TTL: variants seen among roughly 807,000 people sequenced by gnomAD.
TTL encodes the protein tubulin tyrosine ligase, also known as tubulin--tyrosine ligase.
TTL carries 10 observed loss-of-function variants against 41.1 expected under a neutral mutation model. That is an observed-to-expected ratio of 0.24 (90% CI 0.15 to 0.41). TTL has a LOEUF of 0.41. TTL is among the 10% of genes least tolerant of loss of function. The pLI, the probability that TTL is intolerant of heterozygous loss-of-function variation, is 1.00. For missense variants in TTL, 367 were observed against 460.4 expected (o/e 0.80, Z 1.86); for synonymous variants, 175 against 175.5 (o/e 1.00, Z 0.02).
In TTL at chr2:112,532,509, G is replaced by A. The variant is rs774786156; in HGVS notation, c.*3714G>A. 2.0e-4 allele frequency: 42 copies of A among 214,498 alleles called. No homozygotes were observed. Among genetic ancestry groups the A allele is most frequent in the Non-Finnish European group, 3.5e-4 (37 of 106,250 alleles). 13.3% of individuals were successfully genotyped at this position (214,498 alleles called of 1,614,324 possible). A position where few individuals can be genotyped will look rare whatever the true frequency, so the allele number is the denominator to read the frequency against. ...AATTAGCCGGGCATGGTGGCATGTG[G>A]TGGTGGCTGAGGTGGGAGGATCGCT... On this transcript the variant is annotated 3_prime_UTR_variant, in exon 7 of 7. Coordinates refer to ENST00000233336, the MANE Select transcript of TTL (RefSeq NM_153712.5).
Position 112,532,276 on chromosome 2 carries a change from A to G in TTL, c.*3481A>G, listed in dbSNP as rs904910440. ...TGTAGCATGCGGGTGCTGTAGAGAA[A>G]ATTCAGTGACGTACATGGCTCTGGT... On this transcript the variant is annotated 3_prime_UTR_variant, in exon 7 of 7. Transcript: ENST00000233336. 4 of 228,680 alleles carry G rather than the reference A, an allele frequency of 1.7e-5. No individual in the cohort carries two copies. The highest frequency in any genetic ancestry group is 8.9e-5 in the African/African-American group (4 of 45,068). 14.2% of individuals were successfully genotyped at this position (228,680 alleles called of 1,614,324 possible).
At chr2:112,484,234 G>GT (rs35137372) in intron 1 of TTL, among the ~76,000 whole-genome samples, 629 of 134,904 alleles carry the variant, frequency 4.7e-3, no homozygotes, top group Admixed American at 0.011. Flanking sequence ...GTTTGTATGT[G>GT]TTTTTTTTTT....
chr2:112,490,865 G>T (rs952045249), intron 2 of TTL, among the ~76,000 whole-genome samples: 2 of 151,802 alleles, frequency 1.3e-5, no homozygotes, highest in Admixed American at 1.3e-4. Context: ...GAGCCACTGT[G>T]CCCAGCCATA....
At position 112,529,064 on chromosome 2, in the gene TTL, C is replaced by A. The variant is rs1480010353; in HGVS notation, c.*269C>A. 4.0e-6 allele frequency: 2 copies of A among 503,432 alleles called. No homozygotes were observed. Among genetic ancestry groups the A allele is most frequent in the East Asian group, 6.6e-5 (2 of 30,086 alleles). 31.2% of individuals were successfully genotyped at this position (503,432 alleles called of 1,614,324 possible). On this transcript the variant is annotated 3_prime_UTR_variant, in exon 7 of 7. Coordinates refer to ENST00000233336, the MANE Select transcript of TTL (RefSeq NM_153712.5). ...GGCAGCTTTGTGAGCAGAGCTCCTT[C>A]CCCTCTCCCCGGGAACGGCAGGGCA...
chr2:112,510,352 C>T (rs532078388), intron 5 of TTL, among the ~76,000 whole-genome samples: 2 of 152,164 alleles, frequency 1.3e-5, no homozygotes, highest in East Asian at 3.9e-4. Flanking sequence ...TGGTTTCAAG[C>T]TCCTGGGCTC....
rs540089268 is a variant in TTL at position 112,485,050 on chromosome 2, A to G, written c.158-867A>G. 3.9e-3 allele frequency among the ~76,000 whole-genome samples: 587 copies of G among 152,208 alleles called. 4 individuals are homozygous for G. Among genetic ancestry groups the G allele is most frequent in the African/African-American group, 0.013 (543 of 41,518 alleles). On this transcript the variant is annotated intron_variant, in intron 1 of 6. Transcript: ENST00000233336. ...CTGCAACCTCTGCCTCCCAGGTTCA[A>G]GTGATTCTCATGCCTCAGCCTCCCA... is the stretch of plus-strand genomic sequence containing the variant.
intron 5 of TTL, 26 bp from the exon 6 acceptor site, chr2:112,520,256 T>C: frequency 6.2e-7 from 1 of 1,612,882 alleles, no homozygotes; most frequent in Non-Finnish European, 8.5e-7. Flanking sequence ...CCCGTTCTAA[T>C]GAGCATTTCC....
chr2:112,525,796 T>A (rs935435003), intron 6 of TTL, among the ~76,000 whole-genome samples: 25 of 152,226 alleles, frequency 1.6e-4, no homozygotes, highest in African/African-American at 5.8e-4. Flanking sequence ...CCTGCCTGAT[T>A]GCCCTGGCCA....
At chr2:112,520,062 G>A (rs1184302935) in intron 5 of TTL, among the ~76,000 whole-genome samples, 12 of 150,558 alleles carry the variant, frequency 8.0e-5, no homozygotes, top group African/African-American at 2.4e-5. Flanking sequence ...CCCAGGAGGC[G>A]GAGGTTGCCA....
At position 112,538,581 on chromosome 2, in the gene TTL, C is replaced by T. The variant is rs1682642940; in HGVS notation, c.*9786C>T. The T allele has an allele frequency of 6.6e-6, 1 of 152,020 alleles. No homozygotes were observed. Among genetic ancestry groups the T allele is most frequent in the South Asian group, 2.1e-4 (1 of 4,814 alleles). The allele number at this position is 152,020 out of a possible 1,614,324, so 9.4% of individuals were successfully genotyped here. A position where few individuals can be genotyped will look rare whatever the true frequency, so the allele number is the denominator to read the frequency against. On this transcript the variant is annotated 3_prime_UTR_variant, in exon 7 of 7. Transcript: ENST00000233336. ...TCAAATGAGGCCAGGAGTTTGAGTC[C>T]AGCCTGGGCAACATGATTAAATCTG...
rs759484623 is a variant in TTL at position 112,534,134 on chromosome 2, C to G, written c.*5339C>G. ...AGGAGATGGAGACCATCCTGGCTAA[C>G]ACAGTGAAACCCCATCTCTACTAAA... On this transcript the variant is annotated 3_prime_UTR_variant, in exon 7 of 7. Transcript: ENST00000233336. 1 of 152,132 alleles carries G rather than the reference C, an allele frequency of 6.6e-6. No individual in the cohort carries two copies. Among genetic ancestry groups the G allele is most frequent in the Non-Finnish European group, 1.5e-5 (1 of 68,062 alleles). 9.4% of individuals were successfully genotyped at this position (152,132 alleles called of 1,614,324 possible). A position where few individuals can be genotyped will look rare whatever the true frequency, so the allele number is the denominator to read the frequency against.
chr2:112,499,086 C>G (rs1231234597), intron 3 of TTL, among the ~76,000 whole-genome samples: 19 of 151,940 alleles, frequency 1.3e-4, no homozygotes, highest in South Asian at 2.1e-4. Flanking sequence ...GCCAAGGCGG[C>G]TGAATCACCT....
At chr2:112,483,711 G>A (rs1447171230) in intron 1 of TTL, 1 of 152,284 alleles carries the variant, frequency 6.6e-6, no homozygotes, top group Non-Finnish European at 1.5e-5. Context: ...AATCGTTGGA[G>A]GAATGAAGAG....
intron 3 of TTL, 93 bp from the exon 4 acceptor site, chr2:112,501,113 G>A: frequency 7.6e-7 from 1 of 1,308,852 alleles, no homozygotes; most frequent in Non-Finnish European, 1.0e-6. Flanking sequence ...AAAGCCTCTT[G>A]TGGGGTTTTT....
chr2:112,488,587 A>G (rs1407831658), intron 2 of TTL, among the ~76,000 whole-genome samples: 32 of 151,604 alleles, frequency 2.1e-4, no homozygotes, highest in Admixed American at 2.1e-3. Context: ...GTAAAACCCC[A>G]TGTCTACTAA....
At chr2:112,484,283 C>T (rs1474920997) in intron 1 of TTL, among the ~76,000 whole-genome samples, 3 of 143,274 alleles carry the variant, frequency 2.1e-5, no homozygotes, top group African/African-American at 5.2e-5. Context: ...GTTTGTTTTG[C>T]GACAGAGTCT....
intron 3 of TTL, among the ~76,000 whole-genome samples, chr2:112,496,242 G>A (rs1474657370): frequency 1.3e-5 from 2 of 152,120 alleles, no homozygotes; most frequent in Admixed American, 6.6e-5. Flanking sequence ...AGCAGCAGGG[G>A]GAAGTCAAGA....
rs766208294 is a variant in TTL, at chr2:112,503,077, A to G, written c.771A>G (p.Glu257=). The G allele has an allele frequency of 5.0e-6, 8 of 1,613,938 alleles. No homozygotes were observed. Among genetic ancestry groups the G allele is most frequent in the Non-Finnish European group, 5.9e-6 (7 of 1,180,030 alleles). The change falls in exon 5 of 7, where the codon GAA becomes GAG. Residue 257 remains glutamate (E), a synonymous_variant. Transcript: ENST00000233336. ...ATTCAAAGAACTACGGGAAGTATGA[A>G]GAAGGAAATGAAATGTTCTTCAAGG... is the stretch of plus-strand genomic sequence containing the variant. ...KEYSKNYGKY[E]EGNEMFFKEF...
intron 3 of TTL, among the ~76,000 whole-genome samples, chr2:112,496,665 C>T (rs1341150697): frequency 9.4e-6 from 1 of 106,052 alleles, no homozygotes; most frequent in Non-Finnish European, 1.8e-5. Flanking sequence ...ATATATGTGT[C>T]TGTGTGTGTG....
Sources: gnomAD v4.1 joint callset for allele counts (sites outside exome capture counted in the v4.1 genomes callset) on GRCh38, gnomAD v4.1.1 for gene constraint, MANE v1.5 for transcripts, NCBI Gene and HGNC (gene_info 2026-07-23, HGNC 2026-07-21) for gene names.